Variants in MACROD2 observed in about 807,000 individuals in gnomAD.
The protein encoded by MACROD2 is mono-ADP ribosylhydrolase 2.
Under a neutral mutation model 70.4 loss-of-function variants are expected in MACROD2, and 36 were observed. The observed-to-expected ratio is 0.51, with a 90% CI of 0.39 to 0.68. MACROD2 has a LOEUF of 0.68. Ranked by LOEUF, MACROD2 falls within the 30% of genes least tolerant of loss-of-function variation. The pLI is 0.00. For missense variants in MACROD2, 496 were observed against 538.4 expected (o/e 0.92, Z 0.78); for synonymous variants, 172 against 178.8 (o/e 0.96, Z 0.30).
intron 5 of MACROD2, among the ~76,000 whole-genome samples, chr20:14,730,233 G>T (rs749768876): frequency 6.6e-6 from 1 of 152,084 alleles, no homozygotes; most frequent in African/African-American, 2.4e-5. Context: ...AAATGGGTAA[G>T]AATTTTCCAG....
At chr20:15,476,412 C>T (rs2047022815) in intron 7 of MACROD2, among the ~76,000 whole-genome samples, 2 of 152,196 alleles carry the variant, frequency 1.3e-5, no homozygotes, top group Admixed American at 1.3e-4. Context: ...TCTTCTGAAT[C>T]ACTGTGCTGC....
chr20:15,326,612 G>A (rs2077932501), intron 6 of MACROD2, among the ~76,000 whole-genome samples: 1 of 152,052 alleles, frequency 6.6e-6, no homozygotes, highest in Non-Finnish European at 1.5e-5. Flanking sequence ...CATCTATCTT[G>A]GAAGAAAATT....
chr20:15,569,241 T>C (rs982322763), intron 8 of MACROD2, among the ~76,000 whole-genome samples: 9 of 152,316 alleles, frequency 5.9e-5, no homozygotes, highest in African/African-American at 2.2e-4. Context: ...TTTGTTTTCC[T>C]GGAAAAATGT....
rs536838679 is a variant in MACROD2 at position 14,496,760 on chromosome 20, A to G, written c.301+3252A>G. Among the ~76,000 whole-genome samples, 41 of 151,832 alleles carry G rather than the reference A, an allele frequency of 2.7e-4. No individual in the cohort carries two copies. In the South Asian group the frequency reaches 3.5e-3, roughly 13 times the overall value. On this transcript the variant is annotated intron_variant, in intron 4 of 17. Transcript: ENST00000684519. ...GTTTCTAGATAGGTTGAAGGCAGAGACAGTTATGTACTAATTTCTTAATAT... is the reference window on the plus strand; with the variant it reads ...GTTTCTAGATAGGTTGAAGGCAGAGGCAGTTATGTACTAATTTCTTAATAT...
At chr20:14,357,072 T>G (rs974199374) in intron 3 of MACROD2, among the ~76,000 whole-genome samples, 2 of 152,214 alleles carry the variant, frequency 1.3e-5, no homozygotes, top group Non-Finnish European at 2.9e-5. Context: ...ACTTCCATCA[T>G]AGTCATGAAT....
intron 4 of MACROD2, chr20:14,631,818 G>C (rs1984531696): frequency 6.6e-6 from 1 of 152,114 alleles, no homozygotes; most frequent in African/African-American, 2.4e-5. Flanking sequence ...CTTTAAATTT[G>C]TTGTAATTTT....
rs200763115 is a variant in MACROD2 at position 15,577,187 on chromosome 20, CT to C, written c.645+77351del. Among the ~76,000 whole-genome samples the C allele has an allele frequency of 1.9e-3, 270 of 144,838 alleles. 6 individuals carry two copies. The South Asian group carries it at 0.033, about 18-fold the overall frequency. On this transcript the variant is annotated intron_variant, in intron 8 of 17. Transcript: ENST00000684519. ...TCCTTTGTCTTCAGAAGCAATCACT[CT>C]TTTTTTTTTTAACTTTTTATAATGG...
chr20:15,544,638 A>G (rs2048003222), intron 8 of MACROD2, among the ~76,000 whole-genome samples: 1 of 152,236 alleles, frequency 6.6e-6, no homozygotes, highest in South Asian at 2.1e-4. Flanking sequence ...TAGGTGTCCA[A>G]GCATGCTCTT....
intron 2 of MACROD2, among the ~76,000 whole-genome samples, chr20:14,063,345 G>A (rs2053712708): frequency 6.6e-6 from 1 of 152,164 alleles, no homozygotes; most frequent in African/African-American, 2.4e-5. Context: ...GTCATTCAGG[G>A]ACATAGGCTC....
chr20:14,672,512 A>G (rs1433628894), intron 4 of MACROD2, among the ~76,000 whole-genome samples: 4 of 152,232 alleles, frequency 2.6e-5, no homozygotes, highest in Admixed American at 6.5e-5. Context: ...GCAGAGTCAT[A>G]TGGCCAAGGG....
At chr20:14,580,194 G>C (rs1043654571) in intron 4 of MACROD2, among the ~76,000 whole-genome samples, 1 of 152,150 alleles carries the variant, frequency 6.6e-6, no homozygotes, top group South Asian at 2.1e-4. Context: ...CAGTTTGAAA[G>C]AAAAATCACA....
intron 15 of MACROD2, among the ~76,000 whole-genome samples, chr20:16,022,341 G>A (rs909757498): frequency 2.0e-5 from 3 of 151,964 alleles, no homozygotes; most frequent in Non-Finnish European, 2.9e-5. Context: ...GTGAGCCACC[G>A]CGCCCAGCCT....
intron 8 of MACROD2, among the ~76,000 whole-genome samples, chr20:15,513,984 A>G (rs1398124439): frequency 6.6e-6 from 1 of 152,168 alleles, no homozygotes; most frequent in Non-Finnish European, 1.5e-5. Flanking sequence ...TCATTTTTGT[A>G]ACAAAAAAGT....
At chr20:14,342,002 A>G (rs761203907) in intron 3 of MACROD2, among the ~76,000 whole-genome samples, 3 of 152,176 alleles carry the variant, frequency 2.0e-5, no homozygotes, top group African/African-American at 4.8e-5. Flanking sequence ...ACAATGTTCA[A>G]GGGAGAGAAG....
At chr20:14,928,260 G>A (rs979882114) in intron 5 of MACROD2, among the ~76,000 whole-genome samples, 1 of 152,072 alleles carries the variant, frequency 6.6e-6, no homozygotes, top group Non-Finnish European at 1.5e-5. Context: ...ATCCTCACGG[G>A]TTCATATCGT....
At chr20:14,059,475 T>C (rs963258028) in intron 2 of MACROD2, among the ~76,000 whole-genome samples, 1 of 152,138 alleles carries the variant, frequency 6.6e-6, no homozygotes, top group Non-Finnish European at 1.5e-5. Flanking sequence ...GGTAGTATGA[T>C]GGGAATAAGT....
chr20:14,412,437 G>A (rs992062793), intron 3 of MACROD2, among the ~76,000 whole-genome samples: 1 of 151,984 alleles, frequency 6.6e-6, no homozygotes, highest in Non-Finnish European at 1.5e-5. Flanking sequence ...CCACAGAAGA[G>A]TTTGAGATTT....
chr20:14,374,024 A>G (rs1363501643), intron 3 of MACROD2, among the ~76,000 whole-genome samples: 1 of 152,136 alleles, frequency 6.6e-6, no homozygotes, highest in Non-Finnish European at 1.5e-5. Flanking sequence ...TAACATTAAA[A>G]TGGTAATCTT....
At chr20:15,815,989 C>T (rs6135556) in intron 8 of MACROD2, among the ~76,000 whole-genome samples, 72,500 of 151,690 alleles carry the variant, frequency 0.48, 18,206 homozygotes, top group African/African-American at 0.64. Flanking sequence ...GAAAAGCTAT[C>T]TTTCCTTCCC....
Sources: gnomAD v4.1 joint callset for allele counts (sites outside exome capture counted in the v4.1 genomes callset) on GRCh38, gnomAD v4.1.1 for gene constraint, MANE v1.5 for transcripts, NCBI Gene and HGNC (gene_info 2026-07-23, HGNC 2026-07-21) for gene names.